Variants in TBC1D22A observed in about 807,000 individuals in gnomAD.
TBC1D22A encodes putative GTPase activator.
TBC1D22A carries 38 observed loss-of-function variants against 60.2 expected under a neutral mutation model. That is an observed-to-expected ratio of 0.63 (90% CI 0.49 to 0.83). The LOEUF is 0.83. TBC1D22A is among the 40% of genes least tolerant of loss of function. The pLI is 0.00. For missense variants in TBC1D22A, 628 were observed against 701.0 expected (o/e 0.90, Z 1.18); for synonymous variants, 302 against 281.7 (o/e 1.07, Z -0.72).
Position 46,783,852 on chromosome 22 carries a change from T to C in TBC1D22A, c.63-8668T>C, listed in dbSNP as rs73475038. 2.5e-3 allele frequency among the ~76,000 whole-genome samples: 376 copies of C among 152,272 alleles called. 2 individuals are homozygous for C. Among genetic ancestry groups the C allele is most frequent in the African/African-American group, 8.6e-3 (358 of 41,548 alleles). On this transcript the variant is annotated intron_variant, in intron 1 of 12. Coordinates refer to ENST00000337137, the MANE Select transcript of TBC1D22A (RefSeq NM_014346.5). Reference sequence around the variant, plus strand: ...TATCTCAAAAAAATTTTTTTTATCTTTTTTAGCATTATAGACATTGCTGAG... The same window carrying C: ...TATCTCAAAAAAATTTTTTTTATCTCTTTTAGCATTATAGACATTGCTGAG...
chr22:46,995,073 C>A (rs2075073685), intron 9 of TBC1D22A, among the ~76,000 whole-genome samples: 1 of 152,198 alleles, frequency 6.6e-6, no homozygotes, highest in Non-Finnish European at 1.5e-5. Flanking sequence ...AAAGTCCTGC[C>A]CATTAAACAC....
intron 4 of TBC1D22A, among the ~76,000 whole-genome samples, chr22:46,803,545 G>T (rs78985224): frequency 0.013 from 1,995 of 152,292 alleles, 35 homozygotes; most frequent in African/African-American, 0.043. Context: ...TAGTGGCCAG[G>T]TGCTGTCTTT....
intron 11 of TBC1D22A, among the ~76,000 whole-genome samples, chr22:47,078,636 T>C (rs1225805035): frequency 6.6e-6 from 1 of 152,240 alleles, no homozygotes; most frequent in East Asian, 1.9e-4. Flanking sequence ...ATTCTTACCA[T>C]CGAGGTTTAG....
chr22:47,171,826 CAG>C (rs1370168979), intron 12 of TBC1D22A, among the ~76,000 whole-genome samples: 1 of 152,202 alleles, frequency 6.6e-6, no homozygotes, highest in African/African-American at 2.4e-5. Context: ...TCCATCTCCT[CAG>C]TGTCCGCATC....
rs1262223610 is a variant in TBC1D22A, at chr22:47,111,553, G to A, written c.1375G>A (p.Ala459Thr). The change falls in exon 12 of 13, where the codon GCT becomes ACT. Residue 459 changes from alanine to threonine, a missense_variant. Transcript: ENST00000337137. ...FSHFHLYVCA[A>T]FLVRWRKEIL... Reference sequence around the variant, plus strand: ...TCATTTCCACTTGTACGTGTGCGCTGCTTTTCTCGTGAGATGGAGGAAGGA... The same window carrying A: ...TCATTTCCACTTGTACGTGTGCGCTACTTTTCTCGTGAGATGGAGGAAGGA... The A allele has an allele frequency of 1.2e-6, 2 of 1,614,030 alleles. No homozygotes were observed. The highest frequency in any genetic ancestry group is 1.7e-5 in the Admixed American group (1 of 59,998).
intron 11 of TBC1D22A, among the ~76,000 whole-genome samples, chr22:47,047,727 G>A (rs1022527563): frequency 1.3e-5 from 2 of 152,252 alleles, no homozygotes; most frequent in South Asian, 2.1e-4. Context: ...GAAGAAGCTT[G>A]CCCCATCCTG....
chr22:46,787,905 C>CAGGG (rs146671864), intron 1 of TBC1D22A, among the ~76,000 whole-genome samples: 2,414 of 149,194 alleles, frequency 0.016, 70 homozygotes, highest in African/African-American at 0.055. Context: ...TGCAGCCTGC[C>CAGGG]AGGGGTAGGT....
At chr22:46,854,104 G>T (rs900253281) in intron 4 of TBC1D22A, among the ~76,000 whole-genome samples, 1 of 152,160 alleles carries the variant, frequency 6.6e-6, no homozygotes, top group African/African-American at 2.4e-5. Context: ...CCTTGGTTGG[G>T]ACTCTGCCTG....
chr22:46,904,391 A>C (rs2147721888), intron 7 of TBC1D22A, among the ~76,000 whole-genome samples: 1 of 152,174 alleles, frequency 6.6e-6, no homozygotes, highest in South Asian at 2.1e-4. Context: ...ATTTCAGGGT[A>C]ACCCTCGGCA....
chr22:46,888,093 A>G (rs181171837), intron 5 of TBC1D22A, among the ~76,000 whole-genome samples: 2 of 152,126 alleles, frequency 1.3e-5, no homozygotes, highest in African/African-American at 4.8e-5. Context: ...GGCCGCCGCA[A>G]CTCCACACTG....
At chr22:46,857,215 G>A (rs2087613878) in intron 4 of TBC1D22A, among the ~76,000 whole-genome samples, 1 of 152,210 alleles carries the variant, frequency 6.6e-6, no homozygotes, top group African/African-American at 2.4e-5. Flanking sequence ...TGGATTTCTT[G>A]TTAGCGTAAC....
In TBC1D22A at chr22:47,173,564, CT is replaced by C. The variant is rs1361144166; in HGVS notation, c.1493del (p.Leu498ArgfsTer53). 6 of 1,614,150 alleles carry C rather than the reference CT, an allele frequency of 3.7e-6. No individual in the cohort carries two copies. The highest frequency in any genetic ancestry group is 4.2e-6 in the Non-Finnish European group (5 of 1,180,018). ...GGATGATGAGGACATCAGCCTGTTG[CT>C]GGCCGAGGCCTACCGCCTCAAGTTT... Reference protein sequence around the residue: ...HWDDEDISLLLAEAYRLKFAF... With the variant: ...HWDDEDISLLXAEAYRLKFAF... On this transcript the variant is annotated frameshift_variant, in exon 13 of 13. Coordinates refer to ENST00000337137, the MANE Select transcript of TBC1D22A (RefSeq NM_014346.5). LOFTEE classifies it high-confidence loss of function.
chr22:47,055,383 G>A (rs187591054), intron 11 of TBC1D22A, among the ~76,000 whole-genome samples: 1 of 152,196 alleles, frequency 6.6e-6, no homozygotes, highest in African/African-American at 2.4e-5. Context: ...GTGGTCAGCT[G>A]GACAGGGGAA....
intron 4 of TBC1D22A, among the ~76,000 whole-genome samples, chr22:46,826,535 G>A (rs970209243): frequency 6.6e-6 from 1 of 152,146 alleles, no homozygotes. Context: ...TTTCGCTGAT[G>A]GTTTTGTCTT....
At chr22:46,850,177 G>A (rs1040402215) in intron 4 of TBC1D22A, among the ~76,000 whole-genome samples, 1 of 152,168 alleles carries the variant, frequency 6.6e-6, no homozygotes, top group African/African-American at 2.4e-5. Context: ...ATGGAGACGA[G>A]TGCTGAGGGG....
chr22:46,952,482 G>C (rs1404253631), intron 8 of TBC1D22A, among the ~76,000 whole-genome samples: 1 of 152,156 alleles, frequency 6.6e-6, no homozygotes, highest in Non-Finnish European at 1.5e-5. Context: ...TTATATCTCT[G>C]TACGTTTTTC....
At chr22:46,947,504 G>A (rs534397063) in intron 8 of TBC1D22A, among the ~76,000 whole-genome samples, 1 of 152,304 alleles carries the variant, frequency 6.6e-6, no homozygotes, top group East Asian at 1.9e-4. Context: ...GAACCTGCTG[G>A]TGGGACAGAG....
intron 4 of TBC1D22A, among the ~76,000 whole-genome samples, chr22:46,874,620 C>T (rs115542344): frequency 0.018 from 2,183 of 118,848 alleles, 65 homozygotes; most frequent in African/African-American, 0.067. Flanking sequence ...TGCACCCAGG[C>T]TGGAATGCAG....
At chr22:46,932,570 C>T (rs1168387902) in intron 8 of TBC1D22A, among the ~76,000 whole-genome samples, 1 of 152,240 alleles carries the variant, frequency 6.6e-6, no homozygotes, top group East Asian at 1.9e-4. Flanking sequence ...ATGGCCCCCT[C>T]CCCGTGTCTT....
Sources: gnomAD v4.1 joint callset for allele counts (sites outside exome capture counted in the v4.1 genomes callset) on GRCh38, gnomAD v4.1.1 for gene constraint, MANE v1.5 for transcripts, NCBI Gene and HGNC (gene_info 2026-07-23, HGNC 2026-07-21) for gene names.